FOXP2: variants seen among roughly 807,000 people sequenced by gnomAD.
The protein encoded by FOXP2 is forkhead box P2, also known as forkhead box protein P2.
Under a neutral mutation model 115.8 loss-of-function variants are expected in FOXP2, and 12 were observed. The observed-to-expected ratio is 0.10, with a 90% CI of 0.07 to 0.17. The LOEUF is 0.17. Among genes scored for constraint, FOXP2 ranks in the 10% least tolerant of loss-of-function variants. The pLI is 1.00. For missense variants in FOXP2, 629 were observed against 843.5 expected, an observed-to-expected ratio of 0.75 and a Z score of 3.15; for synonymous variants, 328 against 297.7, an observed-to-expected ratio of 1.10 and a Z score of -1.05.
chr7:114,176,298 T>TTCTTTC (rs368923204), intron 1 of FOXP2, among the ~76,000 whole-genome samples: 6,984 of 76,078 alleles, frequency 0.092, 221 homozygotes, highest in Middle Eastern at 0.14. Flanking sequence ...CTTTCTTTCT[T>TTCTTTC]TCTCTCTCTC....
intron 1 of FOXP2, among the ~76,000 whole-genome samples, chr7:114,134,258 C>T (rs1212414888): frequency 6.6e-6 from 1 of 152,134 alleles, no homozygotes; most frequent in East Asian, 1.9e-4. Flanking sequence ...AGAGGGGGTT[C>T]AAGAGAGAAA....
intron 1 of FOXP2, among the ~76,000 whole-genome samples, chr7:114,187,551 CT>C (rs1793643759): frequency 6.6e-6 from 1 of 152,216 alleles, no homozygotes; most frequent in Non-Finnish European, 1.5e-5. Flanking sequence ...CCCTACAACT[CT>C]TCTTCTGAGC....
intron 1 of FOXP2, among the ~76,000 whole-genome samples, chr7:114,270,914 T>C (rs751014036): frequency 1.3e-4 from 20 of 152,080 alleles, no homozygotes; most frequent in Non-Finnish European, 2.6e-4. Context: ...TTCTATATTA[T>C]TTTCACATTT....
At chr7:114,334,932 T>TATATATATATATATTTTATATATATAGAA (rs1797808756) in intron 2 of FOXP2, among the ~76,000 whole-genome samples, 1 of 41,028 alleles carries the variant, frequency 2.4e-5, no homozygotes, top group African/African-American at 9.8e-5. Context: ...TATAGAAATC[T>TATATATATATATATTTTATATATATAGAA]ATATATATAT....
chr7:114,401,306 A>G lies in FOXP2; in HGVS notation c.-10-25196A>G, dbSNP rs1038769882. On this transcript the variant is annotated intron_variant, in intron 2 of 17. Coordinates refer to the FOXP2 transcript ENST00000634411. ...AATTATATAATTACCCAAGAACACC[A>G]TTAATATTTAGATGCATATCCTTCC... 2.0e-5 allele frequency among the ~76,000 whole-genome samples: 3 copies of G among 152,190 alleles called. No homozygotes were observed. The South Asian group carries it at 6.2e-4, about 32-fold the overall frequency.
At chr7:114,143,261 C>T (rs1406275058) in intron 1 of FOXP2, among the ~76,000 whole-genome samples, 1 of 151,598 alleles carries the variant, frequency 6.6e-6, no homozygotes, top group Non-Finnish European at 1.5e-5. Flanking sequence ...AGCTTTTTAC[C>T]ATTTTGAAAT....
At chr7:114,263,825 G>A (rs776460156) in intron 1 of FOXP2, among the ~76,000 whole-genome samples, 2 of 151,432 alleles carry the variant, frequency 1.3e-5, no homozygotes, top group East Asian at 2.0e-4. Flanking sequence ...ACACTCTGTC[G>A]GCCTCGAGCT....
chr7:114,137,315 A>G (rs1464023113), intron 1 of FOXP2, among the ~76,000 whole-genome samples: 2 of 152,178 alleles, frequency 1.3e-5, no homozygotes, highest in Non-Finnish European at 2.9e-5. Flanking sequence ...TTAAAGTAAC[A>G]TTCAAATTTA....
intron 1 of FOXP2, among the ~76,000 whole-genome samples, chr7:114,166,417 C>T (rs1792982295): frequency 1.3e-5 from 2 of 151,970 alleles, no homozygotes; most frequent in Non-Finnish European, 2.9e-5. Context: ...AATAAGAAAA[C>T]ATATGGCCAG....
chr7:114,337,643 T>G (rs768493458), intron 2 of FOXP2, among the ~76,000 whole-genome samples: 12 of 151,326 alleles, frequency 7.9e-5, no homozygotes, highest in Non-Finnish European at 1.6e-4. Flanking sequence ...ATGGTTTACT[T>G]GGAGTTCTCA....
At chr7:114,308,062 G>T (rs975647185) in intron 2 of FOXP2, among the ~76,000 whole-genome samples, 1 of 152,064 alleles carries the variant, frequency 6.6e-6, no homozygotes, top group African/African-American at 2.4e-5. Flanking sequence ...TTAGTGCCGG[G>T]ATTGTTGCTT....
At chr7:114,204,059 T>C (rs551913922) in intron 1 of FOXP2, among the ~76,000 whole-genome samples, 2 of 152,340 alleles carry the variant, frequency 1.3e-5, no homozygotes, top group South Asian at 4.1e-4. Context: ...AACAAATTTT[T>C]TTTCTGCTTC....
At chr7:114,532,097 T>C (rs1330468818) in intron 2 of FOXP2, among the ~76,000 whole-genome samples, 1 of 151,910 alleles carries the variant, frequency 6.6e-6, no homozygotes, top group Non-Finnish European at 1.5e-5. Context: ...AAAGGTAGTC[T>C]AGACAGTTTC....
intron 2 of FOXP2, among the ~76,000 whole-genome samples, chr7:114,294,114 G>T (rs1279298687): frequency 1.3e-5 from 2 of 152,146 alleles, no homozygotes; most frequent in Non-Finnish European, 2.9e-5. Context: ...TAGCCAAATG[G>T]AAAGAAAATG....
At chr7:114,577,245 G>A (rs1054431450) in intron 3 of FOXP2, among the ~76,000 whole-genome samples, 2 of 151,774 alleles carry the variant, frequency 1.3e-5, no homozygotes, top group South Asian at 2.1e-4. Context: ...AGCAGCACGG[G>A]ACTTCCACTG....
chr7:114,513,637 A>G (rs909142749), intron 2 of FOXP2, among the ~76,000 whole-genome samples: 3 of 152,114 alleles, frequency 2.0e-5, no homozygotes, highest in Non-Finnish European at 4.4e-5. Context: ...ATATTTTCAT[A>G]AAAAGTTTTA....
chr7:114,109,537 A>G (rs947980120), intron 1 of FOXP2, among the ~76,000 whole-genome samples: 1 of 152,134 alleles, frequency 6.6e-6, no homozygotes, highest in Non-Finnish European at 1.5e-5. Context: ...TTTATGAAAG[A>G]GCAAGTAGAT....
chr7:114,644,101 TG>T (rs1399159872), intron 7 of FOXP2, among the ~76,000 whole-genome samples: 1 of 152,156 alleles, frequency 6.6e-6, no homozygotes, highest in Non-Finnish European at 1.5e-5. Flanking sequence ...TTCCAAAACT[TG>T]GTTGATTTCT....
chr7:114,271,654 A>C (rs1311802111), intron 1 of FOXP2, among the ~76,000 whole-genome samples: 4 of 120,042 alleles, frequency 3.3e-5, no homozygotes, highest in Admixed American at 1.0e-4. Context: ...ATTATTATAA[A>C]TATTATTAAA....
Sources: allele counts gnomAD v4.1 joint callset (sites outside exome capture counted in the v4.1 genomes callset), GRCh38; gene constraint gnomAD v4.1.1; transcripts MANE v1.5; gene names NCBI Gene and HGNC (gene_info 2026-07-23, HGNC 2026-07-21).